OR7E24: variants seen among roughly 807,000 people sequenced by gnomAD.
OR7E24 encodes the protein olfactory receptor 7E24.
For synonymous variants in OR7E24, 130 were observed against 157.5 expected, an observed-to-expected ratio of 0.83 and a Z score of 1.31; for missense variants, 385 against 410.3, an observed-to-expected ratio of 0.94 and a Z score of 0.53.
At chr19:9,236,371 G>A in the OR7E24 span, among the ~76,000 whole-genome samples, 2 of 151,982 alleles carry the variant, frequency 1.3e-5, no homozygotes, top group South Asian at 2.1e-4. Flanking sequence ...TTAGCTGGGC[G>A]TGGTGGCACA....
At chr19:9,214,922 A>G in the OR7E24 span, 1 of 749,500 alleles carries the variant, frequency 1.3e-6, no homozygotes, top group African/African-American at 1.7e-5. Flanking sequence ...TCACTTTACA[A>G]TATCACCTTT....
chr19:9,238,249 T>A, the OR7E24 span, among the ~76,000 whole-genome samples: 1 of 152,076 alleles, frequency 6.6e-6, no homozygotes, highest in African/African-American at 2.4e-5. Context: ...ACAGAGCAAG[T>A]GACAGCCTGG....
chr19:9,221,738 CAT>C, the OR7E24 span, among the ~76,000 whole-genome samples: 1 of 152,098 alleles, frequency 6.6e-6, no homozygotes, highest in Non-Finnish European at 1.5e-5. Context: ...CCCCATATCA[CAT>C]GTCTAGTTTG....
chr19:9,247,359 T>C (rs2066133296), upstream of OR7E24: 1 of 397,474 alleles, frequency 2.5e-6, no homozygotes, highest in Non-Finnish European at 4.4e-6. Flanking sequence ...TCCAGTCCAG[T>C]GGGCTCCACA....
the OR7E24 span, among the ~76,000 whole-genome samples, chr19:9,229,615 A>G: frequency 3.3e-5 from 5 of 152,168 alleles, no homozygotes; most frequent in African/African-American, 9.7e-5. Context: ...AAATCCAACT[A>G]AAGAAAGAGT....
the OR7E24 span, among the ~76,000 whole-genome samples, chr19:9,241,057 T>G: frequency 8.4e-3 from 1,285 of 152,246 alleles, 13 homozygotes; most frequent in African/African-American, 0.029. Context: ...CCTCAAGTGA[T>G]CCACCCGCCT....
the OR7E24 span, among the ~76,000 whole-genome samples, chr19:9,217,626 C>T: frequency 6.6e-6 from 1 of 152,224 alleles, no homozygotes; most frequent in African/African-American, 2.4e-5. Flanking sequence ...GCAACCTCTG[C>T]CTCCCAGGTT....
At chr19:9,221,591 T>C in the OR7E24 span, among the ~76,000 whole-genome samples, 1 of 151,868 alleles carries the variant, frequency 6.6e-6, no homozygotes, top group South Asian at 2.1e-4. Context: ...GACCCCGTGA[T>C]CCGCTCTCCT....
chr19:9,213,859 G>T, the OR7E24 span: 3 of 1,399,060 alleles, frequency 2.1e-6, no homozygotes, highest in Non-Finnish European at 3.0e-6. Context: ...TTGCCTTAGG[G>T]GTACGCAGTG....
chr19:9,252,308 C>A lies in OR7E24; in HGVS notation c.*245C>A, dbSNP rs899807559. The A allele has an allele frequency of 6.9e-6, 2 of 288,482 alleles. No homozygotes were observed. Among genetic ancestry groups the A allele is most frequent in the Non-Finnish European group, 1.3e-5 (2 of 155,084 alleles). 17.9% of individuals were successfully genotyped at this position (288,482 alleles called of 1,614,324 possible). A position where few individuals can be genotyped will look rare whatever the true frequency, so the allele number is the denominator to read the frequency against. On this transcript the variant is annotated 3_prime_UTR_variant, in exon 1 of 1. Transcript: ENST00000456448. ...GTGCAATGACCTTGATATCCAGGTGCAATCACAATCTTTTCTGATAGACTT... is the reference window on the plus strand; with the variant it reads ...GTGCAATGACCTTGATATCCAGGTGAAATCACAATCTTTTCTGATAGACTT...
chr19:9,222,082 C>A, the OR7E24 span, among the ~76,000 whole-genome samples: 1 of 152,188 alleles, frequency 6.6e-6, no homozygotes, highest in Non-Finnish European at 1.5e-5. Context: ...ACTGTCCTTT[C>A]CCCCTTGTGA....
At chr19:9,225,314 G>A in the OR7E24 span, among the ~76,000 whole-genome samples, 1 of 151,944 alleles carries the variant, frequency 6.6e-6, no homozygotes, top group South Asian at 2.1e-4. Flanking sequence ...AGGTTGCAGT[G>A]AGCCAAGATC....
the OR7E24 span, among the ~76,000 whole-genome samples, chr19:9,215,575 C>A: frequency 6.6e-6 from 1 of 152,036 alleles, no homozygotes; most frequent in East Asian, 1.9e-4. Context: ...TTCTGTGACC[C>A]AGTGCTTGGA....
upstream of OR7E24, among the ~76,000 whole-genome samples, chr19:9,245,439 T>C (rs1349294201): frequency 6.6e-6 from 1 of 152,084 alleles, no homozygotes; most frequent in African/African-American, 2.4e-5. Context: ...GAGGAATGCT[T>C]ACACAGGGCT....
the OR7E24 span, chr19:9,213,599 G>C: frequency 3.2e-5 from 10 of 317,132 alleles, no homozygotes; most frequent in Non-Finnish European, 5.3e-5. Flanking sequence ...TTAGCTGGCT[G>C]TGGTGGCACA....
the OR7E24 span, chr19:9,214,697 C>A: frequency 6.2e-7 from 1 of 1,613,868 alleles, no homozygotes; most frequent in Admixed American, 1.7e-5. Flanking sequence ...AGCTGACGGC[C>A]AGAATGATGA....
chr19:9,221,598 T>C, the OR7E24 span, among the ~76,000 whole-genome samples: 3 of 151,784 alleles, frequency 2.0e-5, no homozygotes, highest in Admixed American at 6.6e-5. Context: ...TGATCCGCTC[T>C]CCTCTGCCTC....
At chr19:9,243,808 G>C (rs559792354), upstream of OR7E24, among the ~76,000 whole-genome samples, 2 of 152,344 alleles carry the variant, frequency 1.3e-5, no homozygotes, top group South Asian at 4.1e-4. Context: ...GTTGCCTCAA[G>C]CAGTTAGAAG....
the OR7E24 span, among the ~76,000 whole-genome samples, chr19:9,232,303 G>T: frequency 1.3e-5 from 2 of 152,082 alleles, no homozygotes; most frequent in Non-Finnish European, 2.9e-5. Context: ...ACTTTGGGAG[G>T]CCGAGGTGGA....
Sources: allele counts gnomAD v4.1 joint callset (sites outside exome capture counted in the v4.1 genomes callset), GRCh38; gene constraint gnomAD v4.1.1; transcripts MANE v1.5; gene names NCBI Gene and HGNC (gene_info 2026-07-23, HGNC 2026-07-21).